AKR1C3: variants seen among roughly 807,000 people sequenced by gnomAD.
AKR1C3 encodes the protein 3-alpha hydroxysteroid dehydrogenase, type II.
A neutral mutation model predicts 43.6 loss-of-function variants in AKR1C3; 48 were observed. That is an observed-to-expected ratio of 1.10 (90% CI 0.87 to 1.40). The LOEUF (loss-of-function observed/expected upper bound fraction) is 1.40, where lower values mean the gene tolerates loss of function less well. Among genes scored for constraint, AKR1C3 ranks in the 40% most tolerant of loss-of-function variants. The pLI is 0.00. For synonymous variants in AKR1C3, 162 were observed against 139.6 expected, an observed-to-expected ratio of 1.16 and a Z score of -1.13; for missense variants, 482 against 391.2, an observed-to-expected ratio of 1.23 and a Z score of -1.96.
intron 8 of AKR1C3, among the ~76,000 whole-genome samples, chr10:5,106,105 T>G (rs1315959193): frequency 6.6e-6 from 1 of 152,206 alleles, no homozygotes; most frequent in Non-Finnish European, 1.5e-5. Context: ...CAGGTGCCAA[T>G]TCCCACCTCC....
chr10:5,066,800 C>T (rs1255551560), intron 1 of AKR1C3, among the ~76,000 whole-genome samples: 1 of 152,192 alleles, frequency 6.6e-6, no homozygotes, highest in Non-Finnish European at 1.5e-5. Context: ...AGATACTTTT[C>T]TGTTCATCCA....
At chr10:5,069,333 T>C (rs1426586940) in intron 1 of AKR1C3, among the ~76,000 whole-genome samples, 1 of 152,242 alleles carries the variant, frequency 6.6e-6, no homozygotes, top group Non-Finnish European at 1.5e-5. Context: ...TTTACAAATT[T>C]TGAAGAAATT....
At chr10:5,071,144 A>G (rs1838606348) in intron 1 of AKR1C3, among the ~76,000 whole-genome samples, 1 of 152,218 alleles carries the variant, frequency 6.6e-6, no homozygotes, top group African/African-American at 2.4e-5. Flanking sequence ...ATAACAAAAT[A>G]ACTGTAACTG....
chr10:5,050,024 G>C (rs782483532), intron 1 of AKR1C3, among the ~76,000 whole-genome samples: 1 of 114,548 alleles, frequency 8.7e-6, no homozygotes, highest in Non-Finnish European at 1.8e-5. Flanking sequence ...CCATGTGGCC[G>C]CATTAGATGT....
intron 1 of AKR1C3, among the ~76,000 whole-genome samples, chr10:5,076,902 G>A (rs371907459): frequency 3.3e-5 from 5 of 152,028 alleles, no homozygotes; most frequent in South Asian, 2.1e-4. Flanking sequence ...GCTACTTGGC[G>A]CACATAATGA....
At chr10:5,105,789 G>A in intron 8 of AKR1C3, 112 bp downstream of exon 8, 2 of 793,784 alleles carry the variant, frequency 2.5e-6, no homozygotes, top group Non-Finnish European at 4.2e-6. Context: ...TGAGTCAGAG[G>A]TGAGACTGGA....
At chr10:5,048,875 G>T in exon 1 of AKR1C3, 2 of 1,613,868 alleles carry the variant, frequency 1.2e-6, no homozygotes, top group Non-Finnish European at 1.7e-6. Flanking sequence ...CCTGGGATTT[G>T]GCACCTATGC....
upstream of AKR1C3, chr10:5,094,295 A>G (rs565162663): frequency 5.2e-5 from 42 of 811,072 alleles, no homozygotes; most frequent in Admixed American, 5.1e-4. Flanking sequence ...CACAGACCAT[A>G]TAAGACTGCC....
chr10:5,065,745 AC>A (rs1401276940), intron 1 of AKR1C3, among the ~76,000 whole-genome samples: 4 of 152,286 alleles, frequency 2.6e-5, no homozygotes, highest in African/African-American at 7.2e-5. Context: ...CTTAGTGTAC[AC>A]CCTATGGAAA....
chr10:5,106,631 A>G (rs1839506087), intron 8 of AKR1C3, among the ~76,000 whole-genome samples: 1 of 152,058 alleles, frequency 6.6e-6, no homozygotes, highest in Admixed American at 6.6e-5. Flanking sequence ...CTTACCTGTA[A>G]TCCCAGCTAC....
chr10:5,087,705 G>C (rs1365036551), intron 1 of AKR1C3, among the ~76,000 whole-genome samples: 3 of 151,546 alleles, frequency 2.0e-5, no homozygotes, highest in Admixed American at 6.6e-5. Context: ...GTATTTTTTT[G>C]AATATTCTTT....
upstream of AKR1C3, among the ~76,000 whole-genome samples, chr10:5,090,906 T>G (rs1282251716): frequency 6.6e-6 from 1 of 152,126 alleles, no homozygotes; most frequent in African/African-American, 2.4e-5. Flanking sequence ...TCAAATGCTA[T>G]TAATAGGACA....
chr10:5,071,189 A>T (rs1464004937), intron 1 of AKR1C3, among the ~76,000 whole-genome samples: 2 of 152,372 alleles, frequency 1.3e-5, no homozygotes, highest in East Asian at 1.9e-4. Flanking sequence ...TATTTGGCTA[A>T]TGGCTCCAGA....
intron 5 of AKR1C3, chr10:5,099,714 A>G (rs1839300944): frequency 2.0e-6 from 1 of 488,438 alleles, no homozygotes; most frequent in African/African-American, 1.9e-5. Context: ...TGGAATCATC[A>G]ATTAGAACTC....
intron 2 of AKR1C3, 99 bp downstream of exon 2, chr10:5,096,676 C>G: frequency 2.0e-6 from 3 of 1,463,556 alleles, no homozygotes; most frequent in Non-Finnish European, 2.7e-6. Context: ...GTGAATTTTG[C>G]TTCTGGGTTC....
upstream of AKR1C3, chr10:5,094,332 G>T (rs1839160781): frequency 1.0e-5 from 12 of 1,164,056 alleles, no homozygotes; most frequent in Middle Eastern, 2.5e-4. Flanking sequence ...CATGCCATTG[G>T]TTAACCATCA....
At chr10:5,087,889 T>C (rs1181248892) in intron 1 of AKR1C3, among the ~76,000 whole-genome samples, 1 of 152,134 alleles carries the variant, frequency 6.6e-6, no homozygotes, top group African/African-American at 2.4e-5. Flanking sequence ...TTTGCTCTTA[T>C]TTTTCTAGTT....
chr10:5,085,224 G>A (rs1218736700), intron 1 of AKR1C3, among the ~76,000 whole-genome samples: 5 of 151,930 alleles, frequency 3.3e-5, no homozygotes, highest in African/African-American at 1.2e-4. Flanking sequence ...GTCATAGATA[G>A]CTCTTATTAT....
rs529240077 is a variant in AKR1C3 at position 5,052,345 on chromosome 10, T to G, written c.84+3450T>G. 2.0e-5 allele frequency among the ~76,000 whole-genome samples: 3 copies of G among 152,192 alleles called. No individual in the cohort carries two copies. In the East Asian group the frequency reaches 5.8e-4, roughly 29 times the overall value. On this transcript the variant is annotated intron_variant, in intron 1 of 8. Coordinates refer to the AKR1C3 transcript ENST00000439082. ...GCAAGATTTATTGCAAAGAGTGAAA[T>G]AACAAAGCTTCCACAGTGTGGAAGG...
Sources: gnomAD v4.1 joint callset for allele counts (sites outside exome capture counted in the v4.1 genomes callset) on GRCh38, gnomAD v4.1.1 for gene constraint, MANE v1.5 for transcripts, NCBI Gene and HGNC (gene_info 2026-07-23, HGNC 2026-07-21) for gene names.